VWDE: variants seen among roughly 807,000 people sequenced by gnomAD.
The protein encoded by VWDE is von Willebrand factor D and EGF domain-containing protein.
Under a neutral mutation model 178.4 loss-of-function variants are expected in VWDE, and 207 were observed. The observed-to-expected ratio is 1.16, with a 90% CI of 1.04 to 1.30. The LOEUF (loss-of-function observed/expected upper bound fraction) is 1.30, where lower values mean the gene tolerates loss of function less well. VWDE is among the 50% of genes most tolerant of loss of function. VWDE has a pLI of 0.00. For synonymous variants in VWDE, 738 were observed against 651.4 expected (o/e 1.13, Z -2.02); for missense variants, 2,287 against 1,901.3 (o/e 1.20, Z -3.77).
intron 6 of VWDE, among the ~76,000 whole-genome samples, chr7:12,378,293 T>C (rs755592468): frequency 1.1e-4 from 17 of 152,260 alleles, no homozygotes; most frequent in Admixed American, 2.0e-4. Context: ...CAGAAGACTC[T>C]GGTTTTTCTT....
intron 3 of VWDE, among the ~76,000 whole-genome samples, chr7:12,385,480 A>G (rs995446992): frequency 6.6e-6 from 1 of 152,162 alleles, no homozygotes; most frequent in Admixed American, 6.5e-5. Flanking sequence ...TCACCTTTTG[A>G]ACTTTCTCTT....
At chr7:12,346,954 C>T (rs577085232) in intron 19 of VWDE, among the ~76,000 whole-genome samples, 2 of 152,104 alleles carry the variant, frequency 1.3e-5, no homozygotes, top group East Asian at 1.9e-4. Flanking sequence ...ACATAGTTGG[C>T]AACAAGTGCA....
chr7:12,372,133 T>C (rs7809959), intron 10 of VWDE, among the ~76,000 whole-genome samples: 4,570 of 152,198 alleles, frequency 0.03, 213 homozygotes, highest in African/African-American at 0.1. Context: ...TTTTTGTTGG[T>C]TTTTGTACTT....
Position 12,373,257 on chromosome 7 carries a change from A to G in VWDE, c.1317-10T>C, listed in dbSNP as rs1783316288. 1 of 1,548,090 alleles carries G rather than the reference A, an allele frequency of 6.5e-7. No individual in the cohort carries two copies. Among genetic ancestry groups the G allele is most frequent in the Admixed American group, 2.0e-5 (1 of 50,512 alleles). The stretch of plus-strand genomic sequence containing the variant: ...GAAATTATCATATACCCTATCATTA[A>G]CAAAAGGCAATTGCATTAAAAAATC... On this transcript the variant is annotated splice_polypyrimidine_tract_variant and intron_variant, in intron 9 of 28. Transcript: ENST00000275358.
chr7:12,341,147 T>C (rs538305132), intron 23 of VWDE, among the ~76,000 whole-genome samples: 1 of 152,180 alleles, frequency 6.6e-6, no homozygotes, highest in Non-Finnish European at 1.5e-5. Context: ...ATTTTATAAT[T>C]TTATAATTCT....
chr7:12,351,044 T>C (rs1019739526), intron 19 of VWDE, among the ~76,000 whole-genome samples: 6 of 152,108 alleles, frequency 3.9e-5, no homozygotes, highest in African/African-American at 1.4e-4. Context: ...ATTTCCTATG[T>C]TCCAGGAATC....
intron 24 of VWDE, among the ~76,000 whole-genome samples, chr7:12,339,297 C>G (rs1359025335): frequency 6.6e-6 from 1 of 152,160 alleles, no homozygotes; most frequent in Non-Finnish European, 1.5e-5. Flanking sequence ...CTTCATCTTA[C>G]AACTACTTCA....
chr7:12,397,245 G>C (rs1784674502), intron 1 of VWDE, among the ~76,000 whole-genome samples: 2 of 152,052 alleles, frequency 1.3e-5, no homozygotes, highest in Admixed American at 1.3e-4. Context: ...GAACAGAATA[G>C]AGAACCCAAA....
rs1313576603 is a variant in VWDE, at chr7:12,367,507, A to T, written c.2762-14T>A. 1 of 1,486,268 alleles carries T rather than the reference A, an allele frequency of 6.7e-7. No individual in the cohort carries two copies. The highest frequency in any genetic ancestry group is 1.4e-5 in the African/African-American group (1 of 69,568). The allele number at this position is 1,486,268 out of a possible 1,614,324, so 92.1% of individuals were successfully genotyped here. A position where few individuals can be genotyped will look rare whatever the true frequency, so the allele number is the denominator to read the frequency against. On this transcript the variant is annotated splice_polypyrimidine_tract_variant and intron_variant, in intron 12 of 28. Transcript: ENST00000275358. ...CAGGAGCTTTGTCTTTGGAAAAAAA[A>T]TATAACAAATACTACATATTTTACT...
Position 12,403,742 on chromosome 7 carries a change from G to T in VWDE, c.-26C>A. The stretch of plus-strand genomic sequence containing the variant: ...CGCTGCTTCCGCAGGTGGGGCGAAA[G>T]GCGTCGCAGAGCCCGGGCCGCGGGT... On this transcript the variant is annotated 5_prime_UTR_variant, in exon 1 of 29. Coordinates refer to ENST00000275358, the MANE Select transcript of VWDE (RefSeq NM_001135924.3). 6.5e-7 allele frequency: 1 copy of T among 1,550,014 alleles called. No homozygotes were observed. Among genetic ancestry groups the T allele is most frequent in the Non-Finnish European group, 8.7e-7 (1 of 1,146,080 alleles).
chr7:12,380,975 T>C (rs1243328897), intron 4 of VWDE, among the ~76,000 whole-genome samples: 2 of 152,224 alleles, frequency 1.3e-5, no homozygotes, highest in East Asian at 1.9e-4. Context: ...AGGTTGAATA[T>C]CTGCCTTTGA....
intron 19 of VWDE, among the ~76,000 whole-genome samples, chr7:12,347,562 T>C (rs911011188): frequency 6.6e-6 from 1 of 151,950 alleles, no homozygotes. Flanking sequence ...AATAATAACA[T>C]AACAGAAAGC....
intron 23 of VWDE, among the ~76,000 whole-genome samples, 159 bp downstream of exon 23, chr7:12,341,900 A>G (rs1781352370): frequency 6.6e-6 from 1 of 152,236 alleles, no homozygotes; most frequent in African/African-American, 2.4e-5. Flanking sequence ...AAAGGGAATG[A>G]AGATGAAAGA....
In VWDE at chr7:12,331,276, T is replaced by A. The variant is rs77139984; in HGVS notation, c.4759-79A>T. 424 of 1,231,274 alleles carry A rather than the reference T, an allele frequency of 3.4e-4. 2 individuals are homozygous for A. The African/African-American group carries it at 5.6e-3, about 16-fold the overall frequency. 76.3% of individuals were successfully genotyped at this position (1,231,274 alleles called of 1,614,324 possible). ...CCCTTACTCATTATTTGTTGCCTCCTTCCCTCTGACATGATACGTAAAGCT... is the reference window on the plus strand; with the variant it reads ...CCCTTACTCATTATTTGTTGCCTCCATCCCTCTGACATGATACGTAAAGCT... On this transcript the variant is annotated intron_variant, in intron 28 of 28. Coordinates refer to ENST00000275358, the MANE Select transcript of VWDE (RefSeq NM_001135924.3).
intron 24 of VWDE, 60 bp downstream of exon 24, chr7:12,340,262 A>G: frequency 7.7e-7 from 1 of 1,293,546 alleles, no homozygotes; most frequent in Non-Finnish European, 1.1e-6. Flanking sequence ...GTTTACTCAG[A>G]GCTCTGTTGA....
chr7:12,389,173 T>C lies in VWDE; in HGVS notation c.429A>G (p.Val143=). The part of the protein sequence containing the change: ...VSVRNCGNFS[V]YLLQPTQGCM... ...ATCCCTGAGTTGGTTGTAGTAAGTATACAGAAAAGTTCCCACAGTTTCTTA... is the reference window on the plus strand; with the variant it reads ...ATCCCTGAGTTGGTTGTAGTAAGTACACAGAAAAGTTCCCACAGTTTCTTA... The change falls in exon 3 of 29, where the codon GTA becomes GTG. Residue 143 remains valine (V), a synonymous_variant. Coordinates refer to ENST00000275358, the MANE Select transcript of VWDE (RefSeq NM_001135924.3). The C allele has an allele frequency of 6.4e-7, 1 of 1,552,068 alleles. No individual in the cohort carries two copies.
Position 12,379,497 on chromosome 7 carries a change from C to A in VWDE, c.859G>T (p.Glu287Ter), listed in dbSNP as rs1156728952. The A allele has an allele frequency of 6.5e-7, 1 of 1,549,896 alleles. No homozygotes were observed. The highest frequency in any genetic ancestry group is 8.7e-7 in the Non-Finnish European group (1 of 1,146,070). ...CGTACCTTAAAGCCTGCAAAAAATT[C>A]TTGGCTTTCGATGGCTACACTTTGT... is the stretch of plus-strand genomic sequence containing the variant. ...HVQSVAIESQEFFAGFKLQPE... is the reference protein window; with the variant it reads ...HVQSVAIESQ The change falls in exon 6 of 29, where the codon GAA (glutamate) becomes TAA (stop). Residue 287 changes from glutamate (E) to a stop codon, truncating the protein, a stop_gained. Transcript: ENST00000275358. LOFTEE classifies it high-confidence loss of function.
rs917701983 is a variant in VWDE, at chr7:12,343,325, G to A, written c.4079-147C>T. ...TTTTACTACAAAACTTAGTTCTGTG[G>A]GACTGACTATATTAATTCACACTGG... On this transcript the variant is annotated intron_variant, in intron 21 of 28. Coordinates refer to ENST00000275358, the MANE Select transcript of VWDE (RefSeq NM_001135924.3). 2.9e-5 allele frequency: 15 copies of A among 513,550 alleles called. No homozygotes were observed. The African/African-American group carries it at 2.9e-4, about 10-fold the overall frequency. The allele number at this position is 513,550 out of a possible 1,614,324, so 31.8% of individuals were successfully genotyped here. A position where few individuals can be genotyped will look rare whatever the true frequency, so the allele number is the denominator to read the frequency against.
chr7:12,383,648 T>C, intron 3 of VWDE, 47 bp from the exon 4 acceptor site: 8 of 1,447,678 alleles, frequency 5.5e-6, no homozygotes, highest in Non-Finnish European at 7.6e-6. Flanking sequence ...GGCATGAAGA[T>C]ATACATCTAC....
Sources: gnomAD v4.1 joint callset for allele counts (sites outside exome capture counted in the v4.1 genomes callset) on GRCh38, gnomAD v4.1.1 for gene constraint, MANE v1.5 for transcripts, NCBI Gene and HGNC (gene_info 2026-07-23, HGNC 2026-07-21) for gene names.